C6: variants seen among roughly 807,000 people sequenced by gnomAD.
The protein encoded by C6 is complement C6, also known as complement component C6.
In C6, 101 loss-of-function variants were observed where a neutral mutation model predicts 112.9. The ratio of observed to expected loss-of-function variants is 0.89; its 90% CI spans 0.76 to 1.06. The LOEUF is 1.06. C6 is among the 50% of genes least tolerant of loss of function. C6 has a pLI of 0.00. For missense variants in C6, 1,202 were observed against 1,104.6 expected (o/e 1.09, Z -1.25); for synonymous variants, 431 against 384.1 (o/e 1.12, Z -1.43).
chr5:41,210,336 G>A (rs1210720329), intron 1 of C6, among the ~76,000 whole-genome samples: 4 of 152,126 alleles, frequency 2.6e-5, no homozygotes, highest in Non-Finnish European at 5.9e-5. Context: ...AACACCAAAA[G>A]CAATGGCAAC....
At chr5:41,208,840 A>T (rs1283707796) in intron 1 of C6, among the ~76,000 whole-genome samples, 6 of 152,122 alleles carry the variant, frequency 3.9e-5, no homozygotes, top group Non-Finnish European at 7.4e-5. Context: ...CAATCAATAG[A>T]AAAAGAGGGA....
chr5:41,200,085 C>A (rs1049345860), intron 3 of C6, among the ~76,000 whole-genome samples, 173 bp from the exon 4 acceptor site: 1 of 152,138 alleles, frequency 6.6e-6, no homozygotes, highest in Non-Finnish European at 1.5e-5. Context: ...GAAATAATCA[C>A]CTCTGTGGAT....
intron 5 of C6, among the ~76,000 whole-genome samples, chr5:41,194,694 G>T (rs1580162160): frequency 6.6e-6 from 1 of 151,620 alleles, no homozygotes; most frequent in East Asian, 1.9e-4. Flanking sequence ...TTATGTAAAG[G>T]GGAGAGTATA....
At chr5:41,170,429 T>G (rs1748329401) in intron 9 of C6, among the ~76,000 whole-genome samples, 1 of 151,924 alleles carries the variant, frequency 6.6e-6, no homozygotes, top group South Asian at 2.1e-4. Flanking sequence ...GTATTTAATC[T>G]GTCTATCTCT....
intron 1 of C6, among the ~76,000 whole-genome samples, chr5:41,257,736 C>T (rs963203665): frequency 6.6e-6 from 1 of 152,178 alleles, no homozygotes; most frequent in Non-Finnish European, 1.5e-5. Context: ...CTGTTGTTAA[C>T]AGTCTATTCT....
intron 4 of C6, among the ~76,000 whole-genome samples, chr5:41,196,572 T>C (rs1316676703): frequency 6.6e-6 from 1 of 151,842 alleles, no homozygotes; most frequent in Non-Finnish European, 1.5e-5. Context: ...ATTGCATAAT[T>C]TGTGAAAGCA....
chr5:41,153,703 T>A, intron 15 of C6, 107 bp downstream of exon 15: 1 of 864,994 alleles, frequency 1.2e-6, no homozygotes, highest in Non-Finnish European at 1.9e-6. Flanking sequence ...AACTTGCATC[T>A]TTTTTAGCCT....
At chr5:41,145,605 G>A (rs983793236) in intron 17 of C6, among the ~76,000 whole-genome samples, 2 of 152,196 alleles carry the variant, frequency 1.3e-5, no homozygotes, top group Non-Finnish European at 2.9e-5. Context: ...GAAAAATAGG[G>A]AAAGGAAGTA....
intron 17 of C6, among the ~76,000 whole-genome samples, chr5:41,147,157 A>G (rs1214508148): frequency 6.6e-6 from 1 of 152,226 alleles, no homozygotes; most frequent in Non-Finnish European, 1.5e-5. Flanking sequence ...ATTTAAAATA[A>G]AAATGATGTT....
intron 8 of C6, among the ~76,000 whole-genome samples, chr5:41,175,914 T>C (rs1257503641): frequency 1.3e-5 from 2 of 152,180 alleles, no homozygotes; most frequent in African/African-American, 4.8e-5. Context: ...TTGCATTTAG[T>C]TTCAGGTTTC....
At chr5:41,207,625 CAAAG>C (rs1308384780) in intron 1 of C6, among the ~76,000 whole-genome samples, 1 of 152,046 alleles carries the variant, frequency 6.6e-6, no homozygotes, top group Non-Finnish European at 1.5e-5. Context: ...TCAAAAGAGA[CAAAG>C]AAGGCCATTA....
chr5:41,230,366 T>C (rs1739817989), intron 1 of C6, among the ~76,000 whole-genome samples: 1 of 152,032 alleles, frequency 6.6e-6, no homozygotes. Flanking sequence ...ATATTAATAA[T>C]TAATACCCTG....
chr5:41,198,436 C>T (rs1002245578), intron 4 of C6, among the ~76,000 whole-genome samples: 5 of 152,146 alleles, frequency 3.3e-5, no homozygotes. Context: ...ATATCTGTGA[C>T]AAGGATTTAC....
intron 5 of C6, among the ~76,000 whole-genome samples, chr5:41,186,918 TA>T (rs138658809): frequency 1.2e-4 from 18 of 151,988 alleles, no homozygotes; most frequent in Non-Finnish European, 1.8e-4. Context: ...TTGTTATAGA[TA>T]AAAAAACTTC....
At position 41,195,915 on chromosome 5, in the gene C6, T is replaced by C; in HGVS notation, c.464A>G (p.Lys155Arg). 1.9e-6 allele frequency: 3 copies of C among 1,613,994 alleles called. No homozygotes were observed. The highest frequency in any genetic ancestry group is 2.5e-6 in the Non-Finnish European group (3 of 1,179,930). Residue 155 changes from lysine (K) to arginine (R), a missense_variant, in exon 5 of 18, where the codon AAG becomes AGG. Coordinates refer to ENST00000337836, the MANE Select transcript of C6 (RefSeq NM_000065.5). ...RCDSGRCIAR[K>R]LECNGENDCG... ...GTCATTTTCTCCATTGCATTCTAAC[T>C]TTCTGGCAATGCAGCGGCCTAGTCA...
intron 1 of C6, among the ~76,000 whole-genome samples, chr5:41,239,995 T>C (rs533951741): frequency 8.5e-5 from 13 of 152,298 alleles, no homozygotes; most frequent in African/African-American, 3.1e-4. Context: ...GGTTCTCTTA[T>C]ATGTGACTAG....
chr5:41,145,086 TTGGGTATATACCCAGTAA>T (rs1288894766), intron 17 of C6, among the ~76,000 whole-genome samples: 2 of 152,238 alleles, frequency 1.3e-5, no homozygotes, highest in African/African-American at 4.8e-5. Flanking sequence ...TTATACCCCT[TTGGGTATATACCCAGTAA>T]TGGGAATGCT....
intron 1 of C6, among the ~76,000 whole-genome samples, chr5:41,260,231 C>A (rs931212794): frequency 6.6e-6 from 1 of 151,790 alleles, no homozygotes; most frequent in Non-Finnish European, 1.5e-5. Context: ...TTTGCCTAGG[C>A]AAATGAAGTG....
intron 5 of C6, among the ~76,000 whole-genome samples, chr5:41,186,953 A>G (rs867125742): frequency 6.6e-6 from 1 of 152,150 alleles, no homozygotes; most frequent in Non-Finnish European, 1.5e-5. Flanking sequence ...TGCTTTTCCA[A>G]ATTCTAAGAG....
Sources: gnomAD v4.1 joint callset for allele counts (sites outside exome capture counted in the v4.1 genomes callset) on GRCh38, gnomAD v4.1.1 for gene constraint, MANE v1.5 for transcripts, NCBI Gene and HGNC (gene_info 2026-07-23, HGNC 2026-07-21) for gene names.